The following POU6F1 variants were observed in gnomAD, a reference collection of about 807,000 sequenced individuals.
POU6F1 encodes the protein POU class 6 homeobox 1.
Under a neutral mutation model 28.9 loss-of-function variants are expected in POU6F1, and 9 were observed. The ratio of observed to expected loss-of-function variants is 0.31; its 90% CI spans 0.19 to 0.54. POU6F1 has a LOEUF of 0.54. Ranked by LOEUF, POU6F1 falls within the 20% of genes least tolerant of loss-of-function variation. The pLI is 0.94. For synonymous variants in POU6F1, 173 were observed against 171.1 expected, an observed-to-expected ratio of 1.01 and a Z score of -0.09; for missense variants, 338 against 426.1, an observed-to-expected ratio of 0.79 and a Z score of 1.82.
chr12:51,210,766 C>T (rs1943938356), intron 1 of POU6F1, among the ~76,000 whole-genome samples: 1 of 152,218 alleles, frequency 6.6e-6, no homozygotes, highest in Non-Finnish European at 1.5e-5. Context: ...CCAACCCACC[C>T]ACCAGATTTC....
chr12:51,192,573 C>T (rs1380897369), intron 8 of POU6F1, 102 bp from the exon 9 acceptor site: 1 of 1,453,906 alleles, frequency 6.9e-7, no homozygotes. Flanking sequence ...ACATGAAATC[C>T]TCACGCATGC....
At chr12:51,195,703 T>G (rs1050740018) in intron 8 of POU6F1, among the ~76,000 whole-genome samples, 3 of 152,154 alleles carry the variant, frequency 2.0e-5, no homozygotes, top group African/African-American at 7.2e-5. Context: ...CCTACCTCCC[T>G]GACCTTCTTA....
chr12:51,200,724 G>A (rs1415890576), intron 3 of POU6F1, among the ~76,000 whole-genome samples: 2 of 152,054 alleles, frequency 1.3e-5, no homozygotes, highest in Admixed American at 6.5e-5. Context: ...GTCTTGCTCT[G>A]TCACCCATGC....
rs578185913 is a variant in POU6F1 at position 51,209,054 on chromosome 12, T to G, written c.-47-2171A>C. On this transcript the variant is annotated intron_variant, in intron 1 of 10. Transcript: ENST00000333640. ...ATCTTGGACTTCCCACCTTCAGTAC[T>G]ATGAGAAATAAATTTCTGTTGTTTA... is the stretch of plus-strand genomic sequence containing the variant. Among the ~76,000 whole-genome samples, 3 of 152,334 alleles carry G rather than the reference T, an allele frequency of 2.0e-5. No individual in the cohort carries two copies. The South Asian group carries it at 6.2e-4, about 32-fold the overall frequency.
intron 8 of POU6F1, among the ~76,000 whole-genome samples, chr12:51,192,993 T>G (rs1227832032): frequency 6.6e-6 from 1 of 151,922 alleles, no homozygotes; most frequent in African/African-American, 2.4e-5. Flanking sequence ...CACAGCAACC[T>G]GCCCTACCAA....
At chr12:51,212,067 T>G (rs1342870772) in intron 1 of POU6F1, among the ~76,000 whole-genome samples, 4 of 108,992 alleles carry the variant, frequency 3.7e-5, no homozygotes, top group South Asian at 2.7e-4. Flanking sequence ...CTTTCGTTTT[T>G]TTTTTTGTTT....
At chr12:51,213,722 CG>C (rs1373048950) in intron 1 of POU6F1, among the ~76,000 whole-genome samples, 5 of 151,550 alleles carry the variant, frequency 3.3e-5, no homozygotes, top group Non-Finnish European at 7.4e-5. Context: ...TTAGTAGAGA[CG>C]GGGTTTCCCC....
At chr12:51,193,591 T>A (rs763987427) in intron 8 of POU6F1, among the ~76,000 whole-genome samples, 7 of 151,586 alleles carry the variant, frequency 4.6e-5, no homozygotes, top group Non-Finnish European at 1.0e-4. Flanking sequence ...AAATAAAAAA[T>A]AATTTAAAAA....
At chr12:51,195,937 T>TGGGGG in intron 8 of POU6F1, 33 bp downstream of exon 8, 1 of 945,500 alleles carries the variant, frequency 1.1e-6, no homozygotes, top group Non-Finnish European at 1.6e-6. Context: ...TAGCAGAGCC[T>TGGGGG]GCCCCACCCC....
chr12:51,192,808 A>G (rs1942516303), intron 8 of POU6F1, among the ~76,000 whole-genome samples: 1 of 152,034 alleles, frequency 6.6e-6, no homozygotes. Context: ...AGGAGACTGA[A>G]GCAGGAGAAT....
intron 7 of POU6F1, 144 bp from the exon 8 acceptor site, chr12:51,196,317 G>A: frequency 1.5e-6 from 1 of 679,602 alleles, no homozygotes; most frequent in Non-Finnish European, 2.4e-6. Flanking sequence ...TGAGTAAAAT[G>A]CAGGATTCAC....
chr12:51,203,045 C>G (rs1277594809), intron 3 of POU6F1, among the ~76,000 whole-genome samples: 4 of 152,124 alleles, frequency 2.6e-5, no homozygotes, highest in African/African-American at 9.7e-5. Context: ...AAATACCTCC[C>G]TTACCTGCTT....
At position 51,193,314 on chromosome 12, in the gene POU6F1, G is replaced by A. The variant is rs145018372; in HGVS notation, c.1180-843C>T. On this transcript the variant is annotated intron_variant, in intron 8 of 10. Coordinates refer to ENST00000333640, the MANE Select transcript of POU6F1 (RefSeq NM_001330422.2). ...CCCTAAGTGAAAAATGTGGTCGGGC[G>A]CGGTGGCTCACGCACTTTGGGAAGC... 1.1e-3 allele frequency among the ~76,000 whole-genome samples: 171 copies of A among 152,264 alleles called. 1 individual carries two copies. The highest frequency in any genetic ancestry group is 4.0e-3 in the African/African-American group (165 of 41,540).
Position 51,197,815 on chromosome 12 carries a change from T to G in POU6F1, c.801A>C (p.Pro267=), listed in dbSNP as rs1942939626. The G allele has an allele frequency of 5.6e-6, 2 of 360,018 alleles. No individual in the cohort carries two copies. Among genetic ancestry groups the G allele is most frequent in the African/African-American group, 4.4e-5 (2 of 45,636 alleles). 22.3% of individuals were successfully genotyped at this position (360,018 alleles called of 1,614,324 possible). ...AGCCTGCAGGCTGGACGGTGATCTG[T>G]GGGGGGGTGTCCACTGGCTTGGGGG... ...APTPKPVDTP[P]QITVQPAGFA... Residue 267 remains proline (P), a synonymous_variant, in exon 6 of 11, where the codon CCA becomes CCC. Transcript: ENST00000333640.
intron 1 of POU6F1, among the ~76,000 whole-genome samples, chr12:51,216,844 G>T (rs748847463): frequency 2.6e-5 from 4 of 152,098 alleles, no homozygotes; most frequent in Non-Finnish European, 5.9e-5. Context: ...CTGCCCAGCC[G>T]CAGAGGCTAT....
rs1016611599 is a variant in POU6F1, at chr12:51,188,053, A to C, written c.*2194T>G. 1 of 152,068 alleles carries C rather than the reference A, an allele frequency of 6.6e-6. No individual in the cohort carries two copies. Among genetic ancestry groups the C allele is most frequent in the African/African-American group, 2.4e-5 (1 of 41,392 alleles). The allele number at this position is 152,068 out of a possible 1,614,324, so 9.4% of individuals were successfully genotyped here. On this transcript the variant is annotated 3_prime_UTR_variant, in exon 11 of 11. Transcript: ENST00000333640. ...AGCAATTCTCCTGCCTCCACCTCCC[A>C]AGTAGCTGGGATTACAGATGTGCAC...
intron 10 of POU6F1, 142 bp downstream of exon 10, chr12:51,191,454 C>T: frequency 9.9e-7 from 1 of 1,014,692 alleles, no homozygotes; most frequent in Non-Finnish European, 1.4e-6. Context: ...CATATCTACC[C>T]TTAAGATGGT....
At chr12:51,215,334 T>C (rs1944227656) in intron 1 of POU6F1, among the ~76,000 whole-genome samples, 1 of 151,768 alleles carries the variant, frequency 6.6e-6, no homozygotes, top group African/African-American at 2.4e-5. Context: ...GCGGGCGGAT[T>C]ACTTGAGGTC....
chr12:51,193,661 A>G (rs1387392129), intron 8 of POU6F1, among the ~76,000 whole-genome samples: 1 of 152,236 alleles, frequency 6.6e-6, no homozygotes, highest in African/African-American at 2.4e-5. Context: ...ATTTCCAGAA[A>G]AACAAAATCT....
Sources: allele counts gnomAD v4.1 joint callset (sites outside exome capture counted in the v4.1 genomes callset), GRCh38; gene constraint gnomAD v4.1.1; transcripts MANE v1.5; gene names NCBI Gene and HGNC (gene_info 2026-07-23, HGNC 2026-07-21).